HS6ST3: variants seen among roughly 807,000 people sequenced by gnomAD.
HS6ST3 encodes the protein heparan-sulfate 6-O-sulfotransferase 3.
HS6ST3 carries 12 observed loss-of-function variants against 36.7 expected under a neutral mutation model. That is an observed-to-expected ratio of 0.33 (90% confidence interval 0.21 to 0.53). The LOEUF is 0.53. Among genes scored for constraint, HS6ST3 ranks in the 20% least tolerant of loss-of-function variants. HS6ST3 has a pLI of 0.95. For synonymous variants in HS6ST3, 240 were observed against 257.5 expected (o/e 0.93, Z 0.65); for missense variants, 584 against 640.9 (o/e 0.91, Z 0.96).
intron 1 of HS6ST3, among the ~76,000 whole-genome samples, chr13:96,545,341 G>A (rs1422291661): frequency 6.6e-6 from 1 of 152,160 alleles, no homozygotes; most frequent in Non-Finnish European, 1.5e-5. Flanking sequence ...ACATAGTAAA[G>A]AGAAATTAAA....
intron 1 of HS6ST3, among the ~76,000 whole-genome samples, chr13:96,622,564 T>C (rs1407547638): frequency 6.6e-6 from 1 of 152,036 alleles, no homozygotes; most frequent in Non-Finnish European, 1.5e-5. Flanking sequence ...AGTCAAGGAA[T>C]AGAAAGGGTT....
chr13:96,794,496 A>G (rs1877864453), intron 1 of HS6ST3, among the ~76,000 whole-genome samples: 1 of 152,104 alleles, frequency 6.6e-6, no homozygotes, highest in African/African-American at 2.4e-5. Flanking sequence ...TATGGATTTT[A>G]AAATGTATCT....
intron 1 of HS6ST3, among the ~76,000 whole-genome samples, chr13:96,223,213 C>T (rs1164680659): frequency 1.3e-5 from 2 of 152,186 alleles, no homozygotes; most frequent in East Asian, 3.9e-4. Flanking sequence ...TGGGAGAAAT[C>T]ATGAGTGACA....
intron 1 of HS6ST3, among the ~76,000 whole-genome samples, chr13:96,334,494 G>A (rs1042394326): frequency 5.9e-5 from 9 of 152,166 alleles, no homozygotes; most frequent in Non-Finnish European, 4.4e-5. Flanking sequence ...TTCTCACACT[G>A]CTCATAAAGA....
At chr13:96,127,768 A>T (rs951024450) in intron 1 of HS6ST3, among the ~76,000 whole-genome samples, 1 of 152,178 alleles carries the variant, frequency 6.6e-6, no homozygotes, top group Non-Finnish European at 1.5e-5. Context: ...TACTTGCAGG[A>T]TCTCACACAT....
chr13:96,449,090 T>C (rs1369007376), intron 1 of HS6ST3, among the ~76,000 whole-genome samples: 3 of 151,974 alleles, frequency 2.0e-5, no homozygotes, highest in South Asian at 4.1e-4. Context: ...GCTACCTGAG[T>C]AGCTGATACT....
intron 1 of HS6ST3, among the ~76,000 whole-genome samples, chr13:96,116,555 A>T (rs765211361): frequency 6.6e-6 from 1 of 152,154 alleles, no homozygotes; most frequent in African/African-American, 2.4e-5. Flanking sequence ...TTCCCAAACC[A>T]TGAGGTTTCA....
At chr13:96,096,207 G>T (rs896735058) in intron 1 of HS6ST3, among the ~76,000 whole-genome samples, 1 of 152,158 alleles carries the variant, frequency 6.6e-6, no homozygotes, top group Non-Finnish European at 1.5e-5. Flanking sequence ...AAAGGAATGA[G>T]ATATGGAAGG....
intron 1 of HS6ST3, among the ~76,000 whole-genome samples, chr13:96,721,050 CTG>C (rs751311410): frequency 3.1e-4 from 47 of 152,118 alleles, no homozygotes; most frequent in Non-Finnish European, 4.9e-4. Context: ...GACCTAGAAA[CTG>C]TGAATTAACA....
intron 1 of HS6ST3, among the ~76,000 whole-genome samples, chr13:96,333,340 C>G (rs1301305946): frequency 6.6e-6 from 1 of 152,150 alleles, no homozygotes; most frequent in Non-Finnish European, 1.5e-5. Flanking sequence ...AGAGCAATTT[C>G]CACCAAATGC....
intron 1 of HS6ST3, among the ~76,000 whole-genome samples, chr13:96,353,904 A>C (rs1251594913): frequency 6.6e-6 from 1 of 152,198 alleles, no homozygotes; most frequent in Non-Finnish European, 1.5e-5. Flanking sequence ...GCAGGAATGA[A>C]AATTTTGCTA....
chr13:96,156,868 T>C (rs1342713293), intron 1 of HS6ST3, among the ~76,000 whole-genome samples: 28 of 152,036 alleles, frequency 1.8e-4, no homozygotes, highest in Admixed American at 1.8e-3. Flanking sequence ...GCAGGCAGAG[T>C]ATAGGATTGA....
chr13:96,802,017 T>A (rs75906686), intron 1 of HS6ST3, among the ~76,000 whole-genome samples: 4,193 of 152,110 alleles, frequency 0.028, 95 homozygotes, highest in Non-Finnish European at 0.04. Context: ...TGCCAGATGG[T>A]TGAAGTAATT....
chr13:96,347,619 A>G (rs2055161947), intron 1 of HS6ST3, among the ~76,000 whole-genome samples: 1 of 152,232 alleles, frequency 6.6e-6, no homozygotes, highest in Non-Finnish European at 1.5e-5. Flanking sequence ...TAATGATATA[A>G]TCAGAAAAGA....
chr13:96,161,258 A>C (rs114784645), intron 1 of HS6ST3, among the ~76,000 whole-genome samples: 1,784 of 152,286 alleles, frequency 0.012, 34 homozygotes, highest in African/African-American at 0.041. Flanking sequence ...GAGATAGGAG[A>C]CCTTATAGAG....
At chr13:96,352,394 A>G (rs991864615) in intron 1 of HS6ST3, among the ~76,000 whole-genome samples, 1 of 152,146 alleles carries the variant, frequency 6.6e-6, no homozygotes, top group African/African-American at 2.4e-5. Flanking sequence ...CATGGTGATG[A>G]TCATTGGCAG....
chr13:96,498,489 G>A lies in HS6ST3; in HGVS notation c.708-334001G>A, dbSNP rs118157904. ...TTGTCTTTTAAATCCCAGTTTAAAT[G>A]TCTCCTCCTGATTGAAGCCTTCCTT... is the stretch of plus-strand genomic sequence containing the variant. On this transcript the variant is annotated intron_variant, in intron 1 of 1. Coordinates refer to ENST00000376705, the MANE Select transcript of HS6ST3 (RefSeq NM_153456.4). Among the ~76,000 whole-genome samples the A allele has an allele frequency of 4.5e-4, 68 of 152,240 alleles. No individual in the cohort carries two copies. In the East Asian group the frequency reaches 0.012, roughly 27 times the overall value.
intron 1 of HS6ST3, among the ~76,000 whole-genome samples, chr13:96,231,174 A>G (rs1298140319): frequency 6.6e-6 from 1 of 152,136 alleles, no homozygotes; most frequent in Non-Finnish European, 1.5e-5. Flanking sequence ...TGGGACCAGT[A>G]CAGAGCTCCT....
At chr13:96,627,320 T>C (rs2138998674) in intron 1 of HS6ST3, among the ~76,000 whole-genome samples, 1 of 152,172 alleles carries the variant, frequency 6.6e-6, no homozygotes, top group South Asian at 2.1e-4. Context: ...TTTGAAATGA[T>C]AAGTTAGAGT....
Sources: allele counts gnomAD v4.1 joint callset (sites outside exome capture counted in the v4.1 genomes callset), GRCh38; gene constraint gnomAD v4.1.1; transcripts MANE v1.5; gene names NCBI Gene and HGNC (gene_info 2026-07-23, HGNC 2026-07-21).